CTHRC1: variants seen among roughly 807,000 people sequenced by gnomAD.
CTHRC1 encodes collagen triple helix repeat containing 1, also known as collagen triple helix repeat-containing protein 1.
A neutral mutation model predicts 25.9 loss-of-function variants in CTHRC1; 21 were observed. The observed-to-expected ratio is 0.81, with a 90% CI of 0.57 to 1.17. The LOEUF (loss-of-function observed/expected upper bound fraction) is 1.17. CTHRC1 is among the 50% of genes most tolerant of loss of function. The probability of loss-of-function intolerance (pLI) is 0.00; values close to 1 mark genes in which losing one functional copy is unlikely to be tolerated. For synonymous variants in CTHRC1, 109 were observed against 113.1 expected, an observed-to-expected ratio of 0.96 and a Z score of 0.23; for missense variants, 281 against 304.3, an observed-to-expected ratio of 0.92 and a Z score of 0.57.
At chr8:103,378,523 C>T (rs959298363) in intron 3 of CTHRC1, among the ~76,000 whole-genome samples, 3 of 152,090 alleles carry the variant, frequency 2.0e-5, no homozygotes, top group African/African-American at 7.2e-5. Flanking sequence ...TCAGATGTGC[C>T]CCAGGCTTGA....
chr8:103,378,128 T>C lies in CTHRC1; in HGVS notation c.474T>C (p.Tyr158=). 6.2e-7 allele frequency: 1 copy of C among 1,614,190 alleles called. No individual in the cohort carries two copies. Among genetic ancestry groups the C allele is most frequent in the Non-Finnish European group, 8.5e-7 (1 of 1,179,986 alleles). The change falls in exon 3 of 4, where the codon TAT becomes TAC. Residue 158 remains tyrosine, a synonymous_variant. Transcript: ENST00000330295. ...GAAATGCATGCTGTCAGCGTTGGTATTTCACATTCAATGGAGCTGAATGTT... is the reference window on the plus strand; with the variant it reads ...GAAATGCATGCTGTCAGCGTTGGTACTTCACATTCAATGGAGCTGAATGTT... ...KCRNACCQRW[Y]FTFNGAECSG... is the part of the protein sequence containing the mutation.
chr8:103,372,420 C>G, intron 1 of CTHRC1: 1 of 1,478,646 alleles, frequency 6.8e-7, no homozygotes, highest in East Asian at 2.5e-5. Flanking sequence ...ACAGCTGGGG[C>G]TAGGAATGGT....
At position 103,371,549 on chromosome 8, in the gene CTHRC1, T is replaced by G; in HGVS notation, c.-108T>G. ...AGAGGCGCGCGGGTGAAAGGCGCAT[T>G]GATGCAGCCTGCGGCGGCCTCGGAG... On this transcript the variant is annotated 5_prime_UTR_variant, in exon 1 of 4. The change creates a new upstream start codon in the 5' untranslated region. Transcript: ENST00000330295. 1 of 1,233,876 alleles carries G rather than the reference T, an allele frequency of 8.1e-7. No homozygotes were observed. The highest frequency in any genetic ancestry group is 2.4e-5 in the Admixed American group (1 of 42,392). 76.4% of individuals were successfully genotyped at this position (1,233,876 alleles called of 1,614,324 possible). A position where few individuals can be genotyped will look rare whatever the true frequency, so the allele number is the denominator to read the frequency against.
chr8:103,377,051 C>G (rs1226218392), intron 2 of CTHRC1: 1 of 152,192 alleles, frequency 6.6e-6, no homozygotes, highest in Non-Finnish European at 1.5e-5. Flanking sequence ...AATATGTTTT[C>G]AAGTTCCTTT....
At position 103,382,565 on chromosome 8, in the gene CTHRC1, G is replaced by A; in HGVS notation, c.697G>A (p.Val233Ile). Residue 233 changes from valine to isoleucine, a missense_variant, in exon 4 of 4, where the codon GTT becomes ATT. Transcript: ENST00000330295. ...AGATGCTTCTACTGGATGGAATTCA[G>A]TTTCTCGCATCATTATTGAAGAACT... ...KGDASTGWNS[V>I]SRIIIEELPK 1 of 1,613,584 alleles carries A rather than the reference G, an allele frequency of 6.2e-7. No individual in the cohort carries two copies. Among genetic ancestry groups the A allele is most frequent in the Non-Finnish European group, 8.5e-7 (1 of 1,179,634 alleles).
chr8:103,376,120 CAT>C (rs1815803503), intron 2 of CTHRC1, 161 bp downstream of exon 2: 1 of 652,980 alleles, frequency 1.5e-6, no homozygotes, highest in Non-Finnish European at 2.7e-6. Context: ...AAGTTTATAA[CAT>C]TTCAGAATTT....
intron 1 of CTHRC1, among the ~76,000 whole-genome samples, chr8:103,374,318 T>A (rs1286842782): frequency 6.6e-6 from 1 of 152,250 alleles, no homozygotes; most frequent in East Asian, 1.9e-4. Context: ...TTGAAGTTAC[T>A]TTAATATCTA....
Position 103,371,643 on chromosome 8 carries a change from G to C in CTHRC1, c.-14G>C. The C allele has an allele frequency of 1.3e-6, 2 of 1,530,368 alleles. No homozygotes were observed. Among genetic ancestry groups the C allele is most frequent in the South Asian group, 1.2e-5 (1 of 82,072 alleles). The allele number at this position is 1,530,368 out of a possible 1,614,324, so 94.8% of individuals were successfully genotyped here. ...CTCCGCCTCCAGCTCCGCGCTGCCCGGCAGCCGGGAGCCATGCGACCCCAG... is the reference window on the plus strand; with the variant it reads ...CTCCGCCTCCAGCTCCGCGCTGCCCCGCAGCCGGGAGCCATGCGACCCCAG... On this transcript the variant is annotated 5_prime_UTR_variant, in exon 1 of 4. Transcript: ENST00000330295.
At chr8:103,378,405 A>G (rs1815847633) in intron 3 of CTHRC1, among the ~76,000 whole-genome samples, 162 bp downstream of exon 3, 1 of 152,172 alleles carries the variant, frequency 6.6e-6, no homozygotes, top group Non-Finnish European at 1.5e-5. Flanking sequence ...TTACCTCTCG[A>G]TCTTTTAAAA....
At chr8:103,377,464 A>G (rs2575690) in intron 2 of CTHRC1, 132,313 of 154,760 alleles carry the variant, frequency 0.85, 56,658 homozygotes, top group Middle Eastern at 0.91. Flanking sequence ...GCCTTTTTTG[A>G]TAAAACTGAA....
chr8:103,375,822 G>C lies in CTHRC1; in HGVS notation c.235G>C (p.Gly79Arg), dbSNP rs1815793602. The C allele has an allele frequency of 1.2e-6, 2 of 1,614,140 alleles. No individual in the cohort carries two copies. Among genetic ancestry groups the C allele is most frequent in the East Asian group, 4.5e-5 (2 of 44,872 alleles). ...GGCCAATGGCATTCCGGGTACACCT[G>C]GGATCCCAGGTCGGGATGGATTCAA... ...PGANGIPGTP[G>R]IPGRDGFKGE... The change falls in exon 2 of 4, where the codon GGG becomes CGG. Residue 79 changes from glycine to arginine, a missense_variant. Coordinates refer to ENST00000330295, the MANE Select transcript of CTHRC1 (RefSeq NM_138455.4).
intron 1 of CTHRC1, chr8:103,372,473 G>A: frequency 6.3e-7 from 1 of 1,584,682 alleles, no homozygotes; most frequent in Non-Finnish European, 8.5e-7. Context: ...GGGGCCCGGC[G>A]CTAACCCTCT....
chr8:103,380,180 G>T (rs1454989452), intron 3 of CTHRC1, among the ~76,000 whole-genome samples: 4 of 152,142 alleles, frequency 2.6e-5, no homozygotes, highest in African/African-American at 9.7e-5. Context: ...GTTGATATAA[G>T]CAACTTACAT....
chr8:103,382,348 GCATTA>G (rs1815928097), intron 3 of CTHRC1, 105 bp from the exon 4 acceptor site: 2 of 1,081,794 alleles, frequency 1.8e-6, no homozygotes, highest in South Asian at 1.3e-5. Flanking sequence ...TTTTTAAGTA[GCATTA>G]CATTAAACAG....
rs147987943 is a variant in CTHRC1 at position 103,374,932 on chromosome 8, C to T, written c.151-806C>T. Among the ~76,000 whole-genome samples, 223 of 152,302 alleles carry T rather than the reference C, an allele frequency of 1.5e-3. 2 individuals are homozygous for T. Among genetic ancestry groups the T allele is most frequent in the East Asian group, 2.9e-3 (15 of 5,182 alleles). ...ATCCAAAGAAACTGGCTCTAGAATCCATGCATTTAAATGCTACAAGATGTC... is the reference window on the plus strand; with the variant it reads ...ATCCAAAGAAACTGGCTCTAGAATCTATGCATTTAAATGCTACAAGATGTC... On this transcript the variant is annotated intron_variant, in intron 1 of 3. Transcript: ENST00000330295.
At chr8:103,378,995 CA>C (rs35368753) in intron 3 of CTHRC1, among the ~76,000 whole-genome samples, 309 of 148,666 alleles carry the variant, frequency 2.1e-3, no homozygotes, top group Non-Finnish European at 3.6e-3. Flanking sequence ...GATGCAGTCT[CA>C]AAAAAAAAAA....
intron 3 of CTHRC1, among the ~76,000 whole-genome samples, chr8:103,381,277 G>C (rs1815905711): frequency 6.8e-6 from 1 of 147,990 alleles, no homozygotes; most frequent in Non-Finnish European, 1.5e-5. Flanking sequence ...CCCGGGGTGT[G>C]ATGTTCCCCG....
In CTHRC1 at chr8:103,382,656, T is replaced by G. The variant is rs375282890; in HGVS notation, c.*56T>G. On this transcript the variant is annotated 3_prime_UTR_variant, in exon 4 of 4. Coordinates refer to ENST00000330295, the MANE Select transcript of CTHRC1 (RefSeq NM_138455.4). ...TTTATTATGCCTTGGAATGGTTCAC[T>G]TAAATGACATTTTAAATAAGTTTAT... 1.8e-5 allele frequency: 26 copies of G among 1,426,280 alleles called. No homozygotes were observed. The highest frequency in any genetic ancestry group is 2.6e-5 in the Non-Finnish European group (26 of 1,009,736). The allele number at this position is 1,426,280 out of a possible 1,614,324, so 88.4% of individuals were successfully genotyped here.
intron 2 of CTHRC1, 68 bp from the exon 3 acceptor site, chr8:103,377,959 A>G: frequency 7.8e-7 from 1 of 1,281,460 alleles, no homozygotes; most frequent in Non-Finnish European, 1.1e-6. Context: ...AAAATTCACC[A>G]GTCTCAAAAG....
Sources: allele counts gnomAD v4.1 joint callset (sites outside exome capture counted in the v4.1 genomes callset), GRCh38; gene constraint gnomAD v4.1.1; transcripts MANE v1.5; gene names NCBI Gene and HGNC (gene_info 2026-07-23, HGNC 2026-07-21).